Variants in SNTG1 observed in about 807,000 individuals in gnomAD.
The protein encoded by SNTG1 is gamma-1-syntrophin.
In SNTG1, 39 loss-of-function variants were observed where a neutral mutation model predicts 74.7. That is an observed-to-expected ratio of 0.52 (90% CI 0.40 to 0.68). SNTG1 has a LOEUF of 0.68. Among genes scored for constraint, SNTG1 ranks in the 30% least tolerant of loss-of-function variants. SNTG1 has a pLI of 0.00. For missense variants in SNTG1, 685 were observed against 609.5 expected (o/e 1.12, Z -1.30); for synonymous variants, 254 against 217.1 (o/e 1.17, Z -1.49).
intron 16 of SNTG1, among the ~76,000 whole-genome samples, chr8:50,706,206 TAA>T (rs746735350): frequency 6.6e-6 from 1 of 152,124 alleles, no homozygotes; most frequent in African/African-American, 2.4e-5. Flanking sequence ...TTCATGCACC[TAA>T]AAAGTCTTAA....
intron 3 of SNTG1, among the ~76,000 whole-genome samples, chr8:50,398,074 A>G (rs1350338241): frequency 2.0e-5 from 3 of 152,210 alleles, no homozygotes; most frequent in Non-Finnish European, 4.4e-5. Flanking sequence ...TTCTTCTTGC[A>G]TCTCTCAGAG....
chr8:50,285,422 T>C (rs12676022), intron 2 of SNTG1, among the ~76,000 whole-genome samples: 89,958 of 151,980 alleles, frequency 0.59, 29,299 homozygotes, highest in East Asian at 0.84. Flanking sequence ...CTCCAGCCTG[T>C]GAGACAGAGT....
chr8:50,600,269 A>T lies in SNTG1; in HGVS notation c.849+9352A>T, dbSNP rs766798610. On this transcript the variant is annotated intron_variant, in intron 13 of 18. Coordinates refer to ENST00000642720, the MANE Select transcript of SNTG1 (RefSeq NM_018967.5). ...ATTGGCCTGTAATTTTTTTTTTCAG[A>T]TATGCCTTTGTCTGATTTTGGTATG... 1.9e-3 allele frequency among the ~76,000 whole-genome samples: 293 copies of T among 151,852 alleles called. 3 individuals are homozygous for T. Among genetic ancestry groups the T allele is most frequent in the Non-Finnish European group, 2.2e-3 (149 of 67,922 alleles).
chr8:50,190,553 G>C (rs529280837), intron 2 of SNTG1, among the ~76,000 whole-genome samples: 20 of 152,120 alleles, frequency 1.3e-4, no homozygotes, highest in African/African-American at 4.8e-4. Context: ...TAACTAATTA[G>C]CATGCCATAA....
At chr8:50,331,526 T>G (rs748795170) in intron 2 of SNTG1, among the ~76,000 whole-genome samples, 3 of 152,166 alleles carry the variant, frequency 2.0e-5, no homozygotes, top group Non-Finnish European at 4.4e-5. Context: ...GATGATACAG[T>G]GTCCATGGTC....
At chr8:50,344,368 T>C (rs1459941008) in intron 2 of SNTG1, among the ~76,000 whole-genome samples, 1 of 152,126 alleles carries the variant, frequency 6.6e-6, no homozygotes, top group Non-Finnish European at 1.5e-5. Flanking sequence ...TTGTTTCTGC[T>C]CCATGGTTGG....
intron 2 of SNTG1, among the ~76,000 whole-genome samples, chr8:50,217,554 G>A (rs190101921): frequency 6.6e-6 from 1 of 151,988 alleles, no homozygotes; most frequent in Non-Finnish European, 1.5e-5. Flanking sequence ...GAAAAAAGTC[G>A]AGTGGGTGCA....
intron 2 of SNTG1, among the ~76,000 whole-genome samples, chr8:50,341,884 A>T (rs1340950008): frequency 6.6e-6 from 1 of 152,056 alleles, no homozygotes; most frequent in East Asian, 1.9e-4. Flanking sequence ...CTTTTTATTC[A>T]TTTTGAACTA....
At chr8:50,731,221 T>C (rs2095512117) in intron 17 of SNTG1, among the ~76,000 whole-genome samples, 1 of 152,024 alleles carries the variant, frequency 6.6e-6, no homozygotes, top group Non-Finnish European at 1.5e-5. Flanking sequence ...GATGATGGAG[T>C]TCAGGCCAGT....
intron 17 of SNTG1, among the ~76,000 whole-genome samples, chr8:50,712,411 G>A (rs1378775947): frequency 6.6e-6 from 1 of 152,122 alleles, no homozygotes; most frequent in Non-Finnish European, 1.5e-5. Context: ...GAAAACTAGT[G>A]GAATAATGTA....
chr8:50,607,753 T>G (rs2094823121), intron 13 of SNTG1, among the ~76,000 whole-genome samples: 1 of 151,628 alleles, frequency 6.6e-6, no homozygotes, highest in Admixed American at 6.6e-5. Flanking sequence ...TTCTTCCTTC[T>G]TTTGGCTTTC....
chr8:50,089,607 G>A (rs904375911), intron 1 of SNTG1, among the ~76,000 whole-genome samples: 3 of 152,128 alleles, frequency 2.0e-5, no homozygotes, highest in African/African-American at 7.2e-5. Flanking sequence ...GACATGAACA[G>A]ACACTTCTCA....
chr8:50,394,558 A>T (rs2092703744), intron 3 of SNTG1, among the ~76,000 whole-genome samples: 1 of 152,200 alleles, frequency 6.6e-6, no homozygotes, highest in African/African-American at 2.4e-5. Flanking sequence ...GTTGGAAAGA[A>T]TTCTTTTCAC....
chr8:50,043,518 G>A (rs951218771), intron 1 of SNTG1, among the ~76,000 whole-genome samples: 1 of 152,150 alleles, frequency 6.6e-6, no homozygotes, highest in Non-Finnish European at 1.5e-5. Flanking sequence ...AATTTGTGAA[G>A]GGGATGTCTT....
At chr8:50,513,202 G>A (rs527569056) in intron 9 of SNTG1, among the ~76,000 whole-genome samples, 3 of 152,306 alleles carry the variant, frequency 2.0e-5, no homozygotes, top group South Asian at 4.1e-4. Flanking sequence ...GTTTGCCTGG[G>A]TATCAGCAGT....
At chr8:50,627,006 G>A (rs547436658) in intron 13 of SNTG1, among the ~76,000 whole-genome samples, 7 of 152,004 alleles carry the variant, frequency 4.6e-5, no homozygotes, top group Non-Finnish European at 7.4e-5. Flanking sequence ...TATTGATGTT[G>A]ATGTTTTTAT....
chr8:50,031,838 A>T (rs536540073), intron 1 of SNTG1, among the ~76,000 whole-genome samples: 58 of 152,110 alleles, frequency 3.8e-4, no homozygotes, highest in Non-Finnish European at 7.8e-4. Flanking sequence ...GTATACAATG[A>T]ATAGGGAAGT....
chr8:50,063,660 G>T (rs779962418), intron 1 of SNTG1, among the ~76,000 whole-genome samples: 2 of 151,274 alleles, frequency 1.3e-5, no homozygotes, highest in African/African-American at 4.9e-5. Context: ...TTTCCATCAG[G>T]TCATACTATT....
intron 1 of SNTG1, among the ~76,000 whole-genome samples, chr8:49,956,280 T>C (rs1444594707): frequency 6.6e-6 from 1 of 152,272 alleles, no homozygotes; most frequent in African/African-American, 2.4e-5. Flanking sequence ...GCCAATATAG[T>C]ACAACTGAGG....
Sources: allele counts gnomAD v4.1 joint callset (sites outside exome capture counted in the v4.1 genomes callset), GRCh38; gene constraint gnomAD v4.1.1; transcripts MANE v1.5; gene names NCBI Gene and HGNC (gene_info 2026-07-23, HGNC 2026-07-21).